Variants in PIK3C3 observed in about 807,000 individuals in gnomAD.
PIK3C3 encodes the protein PI3-kinase type 3.
PIK3C3 carries 95 observed loss-of-function variants against 126.1 expected under a neutral mutation model. The observed-to-expected ratio is 0.75, with a 90% CI of 0.64 to 0.89. The LOEUF (loss-of-function observed/expected upper bound fraction) is 0.89, where lower values mean the gene tolerates loss of function less well. Ranked by LOEUF, PIK3C3 falls within the 40% of genes least tolerant of loss-of-function variation. The probability of loss-of-function intolerance (pLI) is 0.00; values close to 1 mark genes in which losing one functional copy is unlikely to be tolerated. For synonymous variants in PIK3C3, 374 were observed against 360.0 expected (o/e 1.04, Z -0.44); for missense variants, 829 against 1,063.2 (o/e 0.78, Z 3.06).
rs200078757 is a variant in PIK3C3, at chr18:41,956,525, G to GAA, written c.69-1041_69-1040dup. Among the ~76,000 whole-genome samples the GAA allele has an allele frequency of 6.9e-5, 9 of 130,958 alleles. No individual in the cohort carries two copies. The East Asian group carries it at 1.9e-3, about 27-fold the overall frequency. 85.9% of individuals were successfully genotyped at this position (130,958 alleles called of 152,430 possible). ...GAAATGTTTGAACATTAAAAATAAA[G>GAA]AAAAAGCCAAAAAAACCGGTCCCTT... On this transcript the variant is annotated intron_variant, in intron 1 of 24. Transcript: ENST00000262039.
At chr18:42,078,038 T>TGAAAG (rs200005625) in intron 24 of PIK3C3, among the ~76,000 whole-genome samples, 1,605 of 152,260 alleles carry the variant, frequency 0.011, 22 homozygotes, top group African/African-American at 0.037. Flanking sequence ...AACAATATTT[T>TGAAAG]GAATCTTTTT....
At chr18:41,990,309 TAC>T (rs1303457231) in intron 5 of PIK3C3, 148 bp from the exon 6 acceptor site, 16 of 607,470 alleles carry the variant, frequency 2.6e-5, no homozygotes, top group African/African-American at 5.6e-5. Flanking sequence ...TAAAACACAC[TAC>T]ATGTATATAA....
chr18:41,958,800 T>C (rs1251433852), intron 2 of PIK3C3, among the ~76,000 whole-genome samples: 1 of 152,090 alleles, frequency 6.6e-6, no homozygotes, highest in Non-Finnish European at 1.5e-5. Flanking sequence ...CTTTTTATTC[T>C]GGAAAATTTT....
intron 21 of PIK3C3, among the ~76,000 whole-genome samples, chr18:42,055,996 C>T (rs1985047085): frequency 6.6e-6 from 1 of 152,152 alleles, no homozygotes; most frequent in East Asian, 1.9e-4. Context: ...AGGTTAACAA[C>T]CAGTTTGTTT....
chr18:42,011,136 A>G (rs1355392984), intron 10 of PIK3C3, among the ~76,000 whole-genome samples: 3 of 152,334 alleles, frequency 2.0e-5, no homozygotes, highest in Admixed American at 6.5e-5. Flanking sequence ...AGCACAGGCA[A>G]TGTAGATGTA....
At chr18:42,011,792 A>G (rs1982838252) in intron 10 of PIK3C3, among the ~76,000 whole-genome samples, 1 of 152,188 alleles carries the variant, frequency 6.6e-6, no homozygotes, top group African/African-American at 2.4e-5. Flanking sequence ...AGAGACATGC[A>G]TCTTTTCCTT....
chr18:42,062,477 ATTAGTG>A (rs1170178645), intron 22 of PIK3C3, among the ~76,000 whole-genome samples: 2 of 151,852 alleles, frequency 1.3e-5, no homozygotes, highest in African/African-American at 2.4e-5. Context: ...ATCAGCTATC[ATTAGTG>A]TTAGTGTATT....
In PIK3C3 at chr18:42,000,895, A is replaced by C. The variant is rs578028046; in HGVS notation, c.985-3461A>C. On this transcript the variant is annotated intron_variant, in intron 9 of 24. Transcript: ENST00000262039. ...CCCTCTCATAACACGTGGGAGCTGA[A>C]GATGAGATTTGGGTGGGGACACAGC... Among the ~76,000 whole-genome samples, 467 of 152,314 alleles carry C rather than the reference A, an allele frequency of 3.1e-3. 1 individual carries two copies. Among genetic ancestry groups the C allele is most frequent in the African/African-American group, 0.011 (450 of 41,570 alleles).
chr18:42,064,573 T>C (rs1455058923), intron 22 of PIK3C3, 167 bp from the exon 23 acceptor site: 5 of 554,372 alleles, frequency 9.0e-6, no homozygotes, highest in African/African-American at 7.5e-5. Context: ...AAATAAAATA[T>C]TTGTCAAGGC....
chr18:42,055,907 T>TC (rs1338266299), intron 21 of PIK3C3, among the ~76,000 whole-genome samples: 1 of 152,124 alleles, frequency 6.6e-6, no homozygotes, highest in Non-Finnish European at 1.5e-5. Flanking sequence ...AGAAATAAGT[T>TC]CATGTTATTT....
At chr18:42,065,044 A>C (rs2144517307) in intron 23 of PIK3C3, among the ~76,000 whole-genome samples, 1 of 152,324 alleles carries the variant, frequency 6.6e-6, no homozygotes, top group Middle Eastern at 3.4e-3. Context: ...CAAAGCTTAA[A>C]GAACTGAGCA....
intron 22 of PIK3C3, among the ~76,000 whole-genome samples, chr18:42,058,942 A>G (rs1344348942): frequency 6.6e-6 from 1 of 152,230 alleles, no homozygotes; most frequent in Non-Finnish European, 1.5e-5. Flanking sequence ...ATAGATAGCC[A>G]GTTGCCTGTG....
intron 24 of PIK3C3, among the ~76,000 whole-genome samples, chr18:42,076,131 TATATATATATATGC>T (rs1985993729): frequency 2.4e-5 from 2 of 83,478 alleles, no homozygotes; most frequent in African/African-American, 7.8e-5. Context: ...TGCGCATATA[TATATATATATATGC>T]GCATATATAT....
intron 24 of PIK3C3, 74 bp from the exon 25 acceptor site, chr18:42,081,049 A>C (rs1786286886): frequency 8.0e-6 from 7 of 870,464 alleles, no homozygotes; most frequent in Middle Eastern, 2.7e-4. Flanking sequence ...CTTTTTTAAA[A>C]CTATAGACTA....
intron 21 of PIK3C3, among the ~76,000 whole-genome samples, chr18:42,054,585 C>T (rs996980806): frequency 6.6e-6 from 1 of 152,070 alleles, no homozygotes; most frequent in East Asian, 1.9e-4. Context: ...CAGCTTCTAT[C>T]CTGATTTTCT....
chr18:42,043,826 T>C lies in PIK3C3; in HGVS notation c.2188+9T>C. 2 of 1,589,554 alleles carry C rather than the reference T, an allele frequency of 1.3e-6. No individual in the cohort carries two copies. The highest frequency in any genetic ancestry group is 1.7e-6 in the Non-Finnish European group (2 of 1,157,818). On this transcript the variant is annotated intron_variant, in intron 20 of 24. Transcript: ENST00000262039. The stretch of plus-strand genomic sequence containing the variant: ...TTACGTTAAAAGCTGTGGTAAGTTT[T>C]TCAGGCTATTACTTTCCATTGATCA...
At chr18:42,058,206 T>C (rs915810540) in intron 22 of PIK3C3, among the ~76,000 whole-genome samples, 155 bp downstream of exon 22, 1 of 152,228 alleles carries the variant, frequency 6.6e-6, no homozygotes, top group Non-Finnish European at 1.5e-5. Flanking sequence ...AATACCAATT[T>C]TGACAAACTG....
chr18:41,986,635 G>T (rs2144345099), intron 4 of PIK3C3, among the ~76,000 whole-genome samples: 1 of 152,066 alleles, frequency 6.6e-6, no homozygotes, highest in Non-Finnish European at 1.5e-5. Flanking sequence ...TCTTCTTTTG[G>T]TTTCCTTGTG....
At chr18:41,984,448 A>G (rs1981365106) in intron 4 of PIK3C3, among the ~76,000 whole-genome samples, 1 of 152,048 alleles carries the variant, frequency 6.6e-6, no homozygotes, top group African/African-American at 2.4e-5. Flanking sequence ...GTTTTATAAA[A>G]TTAATAAAAA....
Sources: gnomAD v4.1 joint callset for allele counts (sites outside exome capture counted in the v4.1 genomes callset) on GRCh38, gnomAD v4.1.1 for gene constraint, MANE v1.5 for transcripts, NCBI Gene and HGNC (gene_info 2026-07-23, HGNC 2026-07-21) for gene names.